Variants in OR10G4 observed in about 807,000 individuals in gnomAD.
OR10G4 encodes the protein olfactory receptor family 10 subfamily G member 4.
For missense variants in OR10G4, 318 were observed against 388.8 expected (o/e 0.82, Z 1.53); for synonymous variants, 130 against 159.3 (o/e 0.82, Z 1.39).
intron 1 of OR10G4, among the ~76,000 whole-genome samples, chr11:124,013,781 C>T (rs1047517861): frequency 5.3e-5 from 8 of 152,152 alleles, no homozygotes; most frequent in African/African-American, 9.7e-5. Flanking sequence ...CTGGACATCA[C>T]GCCAATATAT....
At chr11:124,015,260 C>T (rs771422333) in intron 1 of OR10G4, 24 of 406,440 alleles carry the variant, frequency 5.9e-5, no homozygotes, top group Middle Eastern at 6.9e-4. Flanking sequence ...AAATTTTACA[C>T]GTTTTATGGC....
chr11:124,013,173 CT>C (rs1376031952), intron 1 of OR10G4, 61 bp downstream of exon 1: 4 of 152,132 alleles, frequency 2.6e-5, no homozygotes, highest in Non-Finnish European at 4.4e-5. Context: ...TTTTCTTTAT[CT>C]TAACTTTAAT....
chr11:124,016,235 G>C lies in OR10G4; in HGVS notation c.661G>C (p.Val221Leu). The change falls in exon 2 of 2, where the codon GTC becomes CTC. Residue 221 changes from valine to leucine, a missense_variant. Coordinates refer to ENST00000641722, the MANE Select transcript of OR10G4 (RefSeq NM_001004462.2). ...VLIVLSYVSIVCSILRIRTSD... is the reference protein window; with the variant it reads ...VLIVLSYVSILCSILRIRTSD... ...GATAGTGCTGTCCTATGTGTCCATC[G>C]TCTGTTCCATCCTGCGGATCCGCAC... is the stretch of plus-strand genomic sequence containing the variant. 2 of 1,614,198 alleles carry C rather than the reference G, an allele frequency of 1.2e-6. No homozygotes were observed. The highest frequency in any genetic ancestry group is 1.7e-6 in the Non-Finnish European group (2 of 1,180,036).
At chr11:124,014,611 A>G (rs1215289397) in intron 1 of OR10G4, among the ~76,000 whole-genome samples, 2 of 152,228 alleles carry the variant, frequency 1.3e-5, no homozygotes, top group Admixed American at 1.3e-4. Context: ...ATATACATAT[A>G]TAACCTTATT....
intron 1 of OR10G4, among the ~76,000 whole-genome samples, chr11:124,014,453 C>A (rs901415497): frequency 6.6e-6 from 1 of 152,176 alleles, no homozygotes; most frequent in Non-Finnish European, 1.5e-5. Flanking sequence ...TCAGGGAATT[C>A]CCTGATCCCT....
In OR10G4 at chr11:124,016,179, T is replaced by C. The variant is rs375755927; in HGVS notation, c.605T>C (p.Ile202Thr). Reference protein sequence around the residue: ...SANVMVIFVDIGIVASGCFVL... With the variant: ...SANVMVIFVDTGIVASGCFVL... ...AACGTGATGGTCATCTTTGTGGACA[T>C]TGGGATAGTGGCCTCAGGCTGCTTT... is the stretch of plus-strand genomic sequence containing the variant. Residue 202 changes from isoleucine (I) to threonine (T), a missense_variant, in exon 2 of 2, where the codon ATT becomes ACT. By Grantham distance (89) the Ile-to-Thr change is moderately conservative. Transcript: ENST00000641722. The C allele has an allele frequency of 3.2e-5, 51 of 1,614,096 alleles. No individual in the cohort carries two copies. The highest frequency in any genetic ancestry group is 3.8e-5 in the Non-Finnish European group (45 of 1,180,046).
rs746589999 is a variant in OR10G4, at chr11:124,017,007, C to G, written c.*497C>G. On this transcript the variant is annotated 3_prime_UTR_variant, in exon 2 of 2. Coordinates refer to ENST00000641722, the MANE Select transcript of OR10G4 (RefSeq NM_001004462.2). ...TTGTATGTGTATATACTATTCCAAACATGTATACAAAAGAAAGTACATGAC... is the reference window on the plus strand; with the variant it reads ...TTGTATGTGTATATACTATTCCAAAGATGTATACAAAAGAAAGTACATGAC... The G allele has an allele frequency of 6.6e-6, 1 of 152,248 alleles. No homozygotes were observed. Among genetic ancestry groups the G allele is most frequent in the Non-Finnish European group, 1.5e-5 (1 of 68,126 alleles). The allele number at this position is 152,248 out of a possible 1,614,324, so 9.4% of individuals were successfully genotyped here.
At chr11:124,014,384 T>C (rs921317739) in intron 1 of OR10G4, among the ~76,000 whole-genome samples, 1 of 152,132 alleles carries the variant, frequency 6.6e-6, no homozygotes, top group Admixed American at 6.5e-5. Flanking sequence ...CGAGGCACAA[T>C]GTCATAAAAC....
At chr11:124,015,500 T>A in intron 1 of OR10G4, 48 bp from the exon 2 acceptor site, 1 of 1,509,240 alleles carries the variant, frequency 6.6e-7, no homozygotes, top group Non-Finnish European at 9.0e-7. Flanking sequence ...GAATGGATTC[T>A]CATTTCTCAA....
At chr11:124,014,164 C>T (rs1863995569) in intron 1 of OR10G4, among the ~76,000 whole-genome samples, 1 of 152,084 alleles carries the variant, frequency 6.6e-6, no homozygotes, top group East Asian at 1.9e-4. Flanking sequence ...TGTAGGAATC[C>T]CACTATAGAG....
intron 1 of OR10G4, among the ~76,000 whole-genome samples, chr11:124,014,226 A>G (rs2137551986): frequency 6.6e-6 from 1 of 152,284 alleles, no homozygotes; most frequent in African/African-American, 2.4e-5. Flanking sequence ...GCCCTTTAAA[A>G]GCAGGCAATA....
rs1332431382 is a variant in OR10G4 at position 124,017,420 on chromosome 11, CTA to C, written c.*912_*913del. The C allele has an allele frequency of 6.6e-6, 1 of 152,206 alleles. No individual in the cohort carries two copies. Among genetic ancestry groups the C allele is most frequent in the Non-Finnish European group, 1.5e-5 (1 of 68,046 alleles). 9.4% of individuals were successfully genotyped at this position (152,206 alleles called of 1,614,324 possible). A position where few individuals can be genotyped will look rare whatever the true frequency, so the allele number is the denominator to read the frequency against. On this transcript the variant is annotated 3_prime_UTR_variant, in exon 2 of 2. Transcript: ENST00000641722. ...TCTTGCTTGTCACAGGCACTGGCGTCTATTGGCTATAGGTCAGGAGTGTTAAA... is the reference window on the plus strand; with the variant it reads ...TCTTGCTTGTCACAGGCACTGGCGTCTTGGCTATAGGTCAGGAGTGTTAAA...
intron 1 of OR10G4, 59 bp downstream of exon 1, chr11:124,013,171 A>G (rs1232093419): frequency 6.6e-6 from 1 of 152,222 alleles, no homozygotes; most frequent in Non-Finnish European, 1.5e-5. Context: ...TCTTTTCTTT[A>G]TCTTAACTTT....
Position 124,016,810 on chromosome 11 carries a change from A to G in OR10G4, c.*300A>G, listed in dbSNP as rs553095341. On this transcript the variant is annotated 3_prime_UTR_variant, in exon 2 of 2. Coordinates refer to ENST00000641722, the MANE Select transcript of OR10G4 (RefSeq NM_001004462.2). ...ATGATTAATTCATGTTTATAAATTG[A>G]TAAACGGTTTTTGTGTTTTGTTTGA... 4.9e-6 allele frequency: 1 copy of G among 204,554 alleles called. No individual in the cohort carries two copies. The highest frequency in any genetic ancestry group is 1.7e-4 in the South Asian group (1 of 5,898). 12.7% of individuals were successfully genotyped at this position (204,554 alleles called of 1,614,324 possible).
At position 124,015,934 on chromosome 11, in the gene OR10G4, T is replaced by A; in HGVS notation, c.360T>A (p.Asp120Glu). The part of the protein sequence containing the change: ...ECFLYTVMSY[D>E]RYLAISYPLR... ...TCCTCTACACAGTCATGTCCTATGA[T>A]CGCTACTTGGCCATCAGTTACCCGC... The change falls in exon 2 of 2, where the codon GAT (aspartate) becomes GAA (glutamate). Residue 120 changes from aspartate (D) to glutamate (E), a missense_variant. By Grantham distance (45) the Asp-to-Glu change is conservative. Coordinates refer to ENST00000641722, the MANE Select transcript of OR10G4 (RefSeq NM_001004462.2). 1 of 1,613,886 alleles carries A rather than the reference T, an allele frequency of 6.2e-7. No homozygotes were observed. Among genetic ancestry groups the A allele is most frequent in the Non-Finnish European group, 8.5e-7 (1 of 1,179,914 alleles).
chr11:124,017,658 T>G lies in OR10G4; in HGVS notation c.*1148T>G, dbSNP rs1165795171. 1.3e-5 allele frequency: 2 copies of G among 152,248 alleles called. No individual in the cohort carries two copies. The highest frequency in any genetic ancestry group is 2.9e-5 in the Non-Finnish European group (2 of 68,048). 9.4% of individuals were successfully genotyped at this position (152,248 alleles called of 1,614,324 possible). ...CACATGGAGACTCATATTTTTAAAA[T>G]GCCAATTCCATTCAAATTGATCTAT... On this transcript the variant is annotated 3_prime_UTR_variant, in exon 2 of 2. Coordinates refer to ENST00000641722, the MANE Select transcript of OR10G4 (RefSeq NM_001004462.2).
rs745764248 is a variant in OR10G4 at position 124,015,636 on chromosome 11, T to C, written c.62T>C (p.Leu21Pro). 2 of 1,604,936 alleles carry C rather than the reference T, an allele frequency of 1.2e-6. No homozygotes were observed. The highest frequency in any genetic ancestry group is 4.5e-5 in the East Asian group (2 of 44,810). Residue 21 changes from leucine to proline, a missense_variant, in exon 2 of 2, where the codon CTG becomes CCG. By Grantham distance (98) the Leu-to-Pro change is moderately conservative (BLOSUM62 -3). Coordinates refer to ENST00000641722, the MANE Select transcript of OR10G4 (RefSeq NM_001004462.2). ...ACAGGCCTTCCCCATGCCCCAGGGC[T>C]GGACGCCCTCCTCTTTGGAATCTTC... ...ILTGLPHAPG[L>P]DALLFGIFLV...
Position 124,015,694 on chromosome 11 carries a change from C to T in OR10G4, c.120C>T (p.Asn40=), listed in dbSNP as rs542394318. The part of the protein sequence containing the change: ...LVVYVLTVLG[N]LLILLVIRVD... ...TTTACGTGCTCACTGTGCTGGGGAA[C>T]CTCCTCATCCTGCTGGTGATCAGGG... The change falls in exon 2 of 2, where the codon AAC becomes AAT. Residue 40 remains asparagine, a synonymous_variant. Transcript: ENST00000641722. 6.2e-7 allele frequency: 1 copy of T among 1,609,868 alleles called. No homozygotes were observed. The highest frequency in any genetic ancestry group is 1.1e-5 in the South Asian group (1 of 90,714).
Position 124,017,418 on chromosome 11 carries a change from G to A in OR10G4, c.*908G>A, listed in dbSNP as rs138679311. On this transcript the variant is annotated 3_prime_UTR_variant, in exon 2 of 2. Transcript: ENST00000641722. The stretch of plus-strand genomic sequence containing the variant: ...ATTCTTGCTTGTCACAGGCACTGGC[G>A]TCTATTGGCTATAGGTCAGGAGTGT... The A allele has an allele frequency of 2.0e-5, 3 of 152,270 alleles. No homozygotes were observed. Among genetic ancestry groups the A allele is most frequent in the Middle Eastern group, 3.4e-3 (1 of 294 alleles). The allele number at this position is 152,270 out of a possible 1,614,324, so 9.4% of individuals were successfully genotyped here. A position where few individuals can be genotyped will look rare whatever the true frequency, so the allele number is the denominator to read the frequency against.
Sources: gnomAD v4.1 joint callset for allele counts (sites outside exome capture counted in the v4.1 genomes callset) on GRCh38, gnomAD v4.1.1 for gene constraint, MANE v1.5 for transcripts, NCBI Gene and HGNC (gene_info 2026-07-23, HGNC 2026-07-21) for gene names.